ACSL1: variants seen among roughly 807,000 people sequenced by gnomAD.
The protein encoded by ACSL1 is long-chain-fatty-acid--CoA ligase 1.
A neutral mutation model predicts 98.4 loss-of-function variants in ACSL1; 41 were observed. The ratio of observed to expected loss-of-function variants is 0.42; its 90% CI spans 0.32 to 0.54. ACSL1 has a LOEUF of 0.54. ACSL1 is among the 20% of genes least tolerant of loss of function. ACSL1 has a pLI of 0.13. For synonymous variants in ACSL1, 316 were observed against 322.7 expected (o/e 0.98, Z 0.22); for missense variants, 734 against 883.1 (o/e 0.83, Z 2.14).
chr4:184,792,970 T>A (rs572637900), intron 2 of ACSL1, among the ~76,000 whole-genome samples: 2 of 152,208 alleles, frequency 1.3e-5, no homozygotes, highest in South Asian at 4.1e-4. Context: ...CCTATTTAAA[T>A]GAAAAATAGC....
At chr4:184,804,120 CATAGTTGGCT>C (rs1159054460) in intron 1 of ACSL1, among the ~76,000 whole-genome samples, 2 of 152,294 alleles carry the variant, frequency 1.3e-5, no homozygotes, top group East Asian at 3.9e-4. Context: ...CTGGGAAACC[CATAGTTGGCT>C]ATCTGGTAAG....
intron 1 of ACSL1, among the ~76,000 whole-genome samples, chr4:184,810,071 T>C (rs1771894189): frequency 6.6e-6 from 1 of 152,228 alleles, no homozygotes; most frequent in Admixed American, 6.5e-5. Context: ...AGAAATTTTG[T>C]CCTATGGGTC....
intron 10 of ACSL1, among the ~76,000 whole-genome samples, chr4:184,772,425 G>A (rs1764642601): frequency 6.6e-6 from 1 of 152,158 alleles, no homozygotes; most frequent in Non-Finnish European, 1.5e-5. Context: ...AAGAGTATAA[G>A]GAAAAGGCAT....
Position 184,768,385 on chromosome 4 carries a change from AT to A in ACSL1, c.1058del (p.Asp353ValfsTer18). 6.2e-7 allele frequency: 1 copy of A among 1,613,916 alleles called. No homozygotes were observed. The highest frequency in any genetic ancestry group is 8.5e-7 in the Non-Finnish European group (1 of 1,179,978). ...FFQGDIRLLM[D>X]DLKVLQPTVF... ...CAGTGGGTTGAAGCACCTTGAGGTC[AT>A]CCATGAGCAGCCTGATATCTCCTTG... On this transcript the variant is annotated frameshift_variant, in exon 12 of 21. Transcript: ENST00000281455. LOFTEE classifies it high-confidence loss of function.
At chr4:184,775,791 A>G (rs1321803313) in intron 7 of ACSL1, among the ~76,000 whole-genome samples, 2 of 152,242 alleles carry the variant, frequency 1.3e-5, no homozygotes, top group African/African-American at 4.8e-5. Flanking sequence ...TCAGAAAGAG[A>G]AGGACTGACT....
At chr4:184,813,399 T>A (rs1399602057) in intron 1 of ACSL1, among the ~76,000 whole-genome samples, 1 of 152,140 alleles carries the variant, frequency 6.6e-6, no homozygotes, top group East Asian at 1.9e-4. Flanking sequence ...CGTCAACAGC[T>A]TTGTGGCAGC....
chr4:184,762,569 T>C, intron 16 of ACSL1, 46 bp from the exon 17 acceptor site: 1 of 1,561,192 alleles, frequency 6.4e-7, no homozygotes, highest in Non-Finnish European at 8.8e-7. Flanking sequence ...CTGGGGTTTT[T>C]CCAGAGAAAA....
intron 1 of ACSL1, among the ~76,000 whole-genome samples, chr4:184,810,304 G>A (rs534456523): frequency 2.0e-5 from 3 of 152,286 alleles, no homozygotes; most frequent in African/African-American, 7.2e-5. Context: ...AGGACAAGGT[G>A]CCCTCTCTCC....
chr4:184,801,580 A>C (rs1770530090), intron 2 of ACSL1, among the ~76,000 whole-genome samples: 1 of 152,214 alleles, frequency 6.6e-6, no homozygotes, highest in South Asian at 2.1e-4. Context: ...TGTAATTATT[A>C]AGCACCAGAA....
chr4:184,769,175 C>T (rs1030629846), intron 11 of ACSL1, among the ~76,000 whole-genome samples: 3 of 151,928 alleles, frequency 2.0e-5, no homozygotes, highest in African/African-American at 7.3e-5. Context: ...TTGTTAAAGT[C>T]TCACTTTCTT....
chr4:184,811,358 C>T (rs945766984), intron 1 of ACSL1, among the ~76,000 whole-genome samples: 18 of 152,152 alleles, frequency 1.2e-4, no homozygotes, highest in Middle Eastern at 3.4e-3. Flanking sequence ...GTGATCTGCC[C>T]GCCTTGGCCT....
chr4:184,801,970 A>G (rs1007196604), intron 2 of ACSL1, among the ~76,000 whole-genome samples: 6 of 152,232 alleles, frequency 3.9e-5, no homozygotes, highest in Non-Finnish European at 7.3e-5. Context: ...ACAACTCTTC[A>G]TGGAGATGGC....
At chr4:184,801,678 T>C (rs1293161168) in intron 2 of ACSL1, among the ~76,000 whole-genome samples, 1 of 152,156 alleles carries the variant, frequency 6.6e-6, no homozygotes, top group Non-Finnish European at 1.5e-5. Context: ...CCCCACAAAT[T>C]CTGAAAATCA....
chr4:184,803,494 G>T lies in ACSL1; in HGVS notation c.21C>A (p.Phe7Leu). 6.3e-7 allele frequency: 1 copy of T among 1,599,968 alleles called. No homozygotes were observed. Among genetic ancestry groups the T allele is most frequent in the Non-Finnish European group, 8.5e-7 (1 of 1,171,932 alleles). MQAHEL[F>L]RYFRMPELVD... is the part of the protein sequence containing the mutation. The stretch of plus-strand genomic sequence containing the variant: ...CCAGCTCTGGCATTCGAAAATACCG[G>T]AACAGCTCATGGGCTTGCATTGTCC... Residue 7 changes from phenylalanine (F) to leucine (L), a missense_variant, in exon 2 of 21, where the codon TTC becomes TTA. By Grantham distance (22) the Phe-to-Leu change is conservative. Coordinates refer to ENST00000281455, the MANE Select transcript of ACSL1 (RefSeq NM_001995.5). The surrounding 1 kb of genome is among the most constrained non-coding windows in gnomAD (Gnocchi z 4.8).
chr4:184,819,631 G>C (rs1038411779), intron 1 of ACSL1, among the ~76,000 whole-genome samples: 3 of 152,100 alleles, frequency 2.0e-5, no homozygotes, highest in African/African-American at 4.8e-5. Context: ...CATGCCGCCA[G>C]AGTTTGCTTT....
intron 1 of ACSL1, among the ~76,000 whole-genome samples, chr4:184,804,546 A>C (rs890782740): frequency 2.6e-5 from 4 of 151,264 alleles, no homozygotes; most frequent in African/African-American, 9.7e-5. Context: ...GTGCCACTGC[A>C]CTCCAATCTG....
chr4:184,818,039 C>G (rs1324980262), intron 1 of ACSL1, among the ~76,000 whole-genome samples: 6 of 152,194 alleles, frequency 3.9e-5, no homozygotes, highest in Non-Finnish European at 4.4e-5. Flanking sequence ...ACCTGGGAGT[C>G]TGGGCTGCTC....
intron 11 of ACSL1, among the ~76,000 whole-genome samples, chr4:184,769,032 G>A (rs377589572): frequency 6.6e-6 from 1 of 151,178 alleles, no homozygotes; most frequent in African/African-American, 2.4e-5. Context: ...TTGTGCCACT[G>A]CTCTCCAGCC....
In ACSL1 at chr4:184,803,451, C is replaced by G. The variant is rs745309467; in HGVS notation, c.64G>C (p.Val22Leu). ...MPELVDFRQY[V>L]RTLPTNTLMG... is the part of the protein sequence containing the mutation. Reference sequence around the variant, plus strand: ...AGCGTGTTGGTCGGAAGAGTACGCACGTACTGTCGGAAGTCAACCAGCTCT... The same window carrying G: ...AGCGTGTTGGTCGGAAGAGTACGCAGGTACTGTCGGAAGTCAACCAGCTCT... The change falls in exon 2 of 21, where the codon GTG (valine) becomes CTG (leucine). Residue 22 changes from valine (V) to leucine (L), a missense_variant. Coordinates refer to ENST00000281455, the MANE Select transcript of ACSL1 (RefSeq NM_001995.5). The surrounding 1 kb of genome is among the most constrained non-coding windows in gnomAD (Gnocchi z 4.8). The G allele has an allele frequency of 6.2e-7, 1 of 1,613,372 alleles. No individual in the cohort carries two copies. Among genetic ancestry groups the G allele is most frequent in the African/African-American group, 1.3e-5 (1 of 75,006 alleles).
Sources: allele counts gnomAD v4.1 joint callset (sites outside exome capture counted in the v4.1 genomes callset), GRCh38; gene constraint gnomAD v4.1.1; non-coding constraint Gnocchi (gnomAD v3.1); transcripts MANE v1.5; gene names NCBI Gene and HGNC (gene_info 2026-07-23, HGNC 2026-07-21).